Variants in PLEKHA3 observed in about 807,000 individuals in gnomAD.
The protein encoded by PLEKHA3 is pleckstrin homology domain-containing family A member 3.
PLEKHA3 carries 19 observed loss-of-function variants against 39.2 expected under a neutral mutation model. The observed-to-expected ratio is 0.48, with a 90% CI of 0.34 to 0.71. PLEKHA3 has a LOEUF of 0.71. PLEKHA3 is among the 30% of genes least tolerant of loss of function. The pLI, the probability that PLEKHA3 is intolerant of heterozygous loss-of-function variation, is 0.01. For missense variants in PLEKHA3, 253 were observed against 359.5 expected (o/e 0.70, Z 2.40); for synonymous variants, 97 against 118.6 (o/e 0.82, Z 1.18).
Position 178,480,928 on chromosome 2 carries a change from TGAGGGAA to T in PLEKHA3, c.40+25_40+31del, listed in dbSNP as rs745497285. The stretch of plus-strand genomic sequence containing the variant: ...CTCACAGGTATGGGGGCTCGTGTGA[TGAGGGAA>T]GAGGGGAGAGGCGGGGGGCTGCTGA... On this transcript the variant is annotated intron_variant, in intron 1 of 7. Transcript: ENST00000234453. 10 of 1,305,782 alleles carry T rather than the reference TGAGGGAA, an allele frequency of 7.7e-6. No homozygotes were observed. The highest frequency in any genetic ancestry group is 6.3e-5 in the South Asian group (2 of 31,706). 80.9% of individuals were successfully genotyped at this position (1,305,782 alleles called of 1,614,324 possible). A position where few individuals can be genotyped will look rare whatever the true frequency, so the allele number is the denominator to read the frequency against.
Position 178,508,068 on chromosome 2 carries a change from TG to T in PLEKHA3, c.*4182del, listed in dbSNP as rs1685632178. 6 of 153,078 alleles carry T rather than the reference TG, an allele frequency of 3.9e-5. No individual in the cohort carries two copies. The highest frequency in any genetic ancestry group is 5.9e-5 in the Non-Finnish European group (4 of 67,846). 9.5% of individuals were successfully genotyped at this position (153,078 alleles called of 1,614,324 possible). A position where few individuals can be genotyped will look rare whatever the true frequency, so the allele number is the denominator to read the frequency against. On this transcript the variant is annotated 3_prime_UTR_variant, in exon 8 of 8. Coordinates refer to ENST00000234453, the MANE Select transcript of PLEKHA3 (RefSeq NM_019091.4). ...AGTTCTGGGTGTGTGTGTGTGTGTG[TG>T]TGTGTGTGTGTGTGTGTGTGATCTT...
chr2:178,494,040 G>T, intron 4 of PLEKHA3, 51 bp downstream of exon 4: 2 of 1,564,094 alleles, frequency 1.3e-6, no homozygotes, highest in Non-Finnish European at 1.7e-6. Context: ...GAGTACTCTG[G>T]GGGGATCCTC....
In PLEKHA3 at chr2:178,491,506, G is replaced by C. The variant is rs537550736; in HGVS notation, c.313+692G>C. 4.6e-5 allele frequency among the ~76,000 whole-genome samples: 7 copies of C among 152,354 alleles called. No homozygotes were observed. The South Asian group carries it at 1.4e-3, about 32-fold the overall frequency. On this transcript the variant is annotated intron_variant, in intron 3 of 7. Transcript: ENST00000234453. ...ATTGTTACCTTTGGAAGTGGAATTT[G>C]TGGGAAGGAGACTCAGTTGTCACTG...
chr2:178,488,071 C>T (rs905978061), intron 2 of PLEKHA3, among the ~76,000 whole-genome samples: 4 of 151,010 alleles, frequency 2.6e-5, no homozygotes, highest in Non-Finnish European at 4.4e-5. Context: ...CTCAGGAGTT[C>T]GAGACCAGCC....
chr2:178,482,276 C>G (rs377606656), intron 1 of PLEKHA3, among the ~76,000 whole-genome samples: 1 of 152,088 alleles, frequency 6.6e-6, no homozygotes, highest in East Asian at 1.9e-4. Flanking sequence ...GTGCTTCATG[C>G]TTGTAATCCC....
intron 3 of PLEKHA3, among the ~76,000 whole-genome samples, chr2:178,492,203 A>G (rs958158830): frequency 1.3e-5 from 2 of 152,116 alleles, no homozygotes; most frequent in African/African-American, 4.8e-5. Context: ...AGTAAATTAT[A>G]GGTATTGAGA....
rs35052196 is a variant in PLEKHA3, at chr2:178,507,658, GTTTTTTTTTTTTTTTTTTTTTTTTT to G, written c.*3783_*3807del. The G allele has an allele frequency of 3.5e-5, 1 of 28,804 alleles. No individual in the cohort carries two copies. The highest frequency in any genetic ancestry group is 8.5e-5 in the Non-Finnish European group (1 of 11,750). 1.8% of individuals were successfully genotyped at this position (28,804 alleles called of 1,614,324 possible). On this transcript the variant is annotated 3_prime_UTR_variant, in exon 8 of 8. Transcript: ENST00000234453. Reference sequence around the variant, plus strand: ...CCTTTAGTTTTTAGTCTCACATTAGGTTTTTTTTTTTTTTTTTTTTTTTTTTTTTTTTTTTTGGCAAAGCTCCTCC... The same window carrying G: ...CCTTTAGTTTTTAGTCTCACATTAGGTTTTTTTTTTTGGCAAAGCTCCTCC...
At chr2:178,482,406 G>A (rs1190781066) in intron 1 of PLEKHA3, among the ~76,000 whole-genome samples, 1 of 151,990 alleles carries the variant, frequency 6.6e-6, no homozygotes, top group Non-Finnish European at 1.5e-5. Flanking sequence ...AGGTGTGGTA[G>A]TGCACACCTG....
At position 178,480,822 on chromosome 2, in the gene PLEKHA3, C is replaced by G. The variant is rs1685147540; in HGVS notation, c.-48C>G. 3 of 1,313,034 alleles carry G rather than the reference C, an allele frequency of 2.3e-6. No homozygotes were observed. Among genetic ancestry groups the G allele is most frequent in the South Asian group, 3.0e-5 (1 of 33,346 alleles). The allele number at this position is 1,313,034 out of a possible 1,614,324, so 81.3% of individuals were successfully genotyped here. ...CCAGGCCCTGCGCCTACCCCATCAC[C>G]GCGGCCGGCGCCGGGCCGGGAGGAT... On this transcript the variant is annotated 5_prime_UTR_variant, in exon 1 of 8. Transcript: ENST00000234453.
At chr2:178,488,519 A>G (rs573181831) in intron 2 of PLEKHA3, among the ~76,000 whole-genome samples, 33 of 152,316 alleles carry the variant, frequency 2.2e-4, no homozygotes, top group African/African-American at 6.3e-4. Flanking sequence ...GTGACCATGT[A>G]TATGTGAGTC....
chr2:178,500,183 G>T (rs1170631646), intron 6 of PLEKHA3, among the ~76,000 whole-genome samples: 4 of 152,022 alleles, frequency 2.6e-5, no homozygotes, highest in Non-Finnish European at 4.4e-5. Context: ...TTTAATTATA[G>T]TGACATTGGC....
At chr2:178,481,399 G>A (rs953547114) in intron 1 of PLEKHA3, among the ~76,000 whole-genome samples, 8 of 152,058 alleles carry the variant, frequency 5.3e-5, no homozygotes, top group African/African-American at 1.4e-4. Context: ...CAAGCTTAGC[G>A]AGCATGATTT....
chr2:178,505,707 T>A lies in PLEKHA3; in HGVS notation c.*1820T>A, dbSNP rs1685593664. On this transcript the variant is annotated 3_prime_UTR_variant, in exon 8 of 8. Transcript: ENST00000234453. Reference sequence around the variant, plus strand: ...AAAACACCGTAACAAGCTTTTGAACTTATAGAAAATAATCACATCCATTTT... The same window carrying A: ...AAAACACCGTAACAAGCTTTTGAACATATAGAAAATAATCACATCCATTTT... The A allele has an allele frequency of 6.6e-6, 1 of 151,980 alleles. No individual in the cohort carries two copies. The highest frequency in any genetic ancestry group is 1.5e-5 in the Non-Finnish European group (1 of 67,908). The allele number at this position is 151,980 out of a possible 1,614,324, so 9.4% of individuals were successfully genotyped here.
intron 2 of PLEKHA3, among the ~76,000 whole-genome samples, chr2:178,487,141 G>T (rs1685262926): frequency 1.3e-5 from 2 of 152,108 alleles, no homozygotes; most frequent in South Asian, 2.1e-4. Context: ...AAAGGTAAGT[G>T]GGGGGATTCT....
chr2:178,481,002 G>C, intron 1 of PLEKHA3, 93 bp downstream of exon 1: 1 of 1,172,082 alleles, frequency 8.5e-7, no homozygotes, highest in East Asian at 2.9e-5. Flanking sequence ...TGGCCTCCGC[G>C]GACCCTCAGA....
intron 5 of PLEKHA3, 126 bp downstream of exon 5, chr2:178,495,786 G>A (rs1035981319): frequency 3.8e-6 from 4 of 1,040,190 alleles, no homozygotes; most frequent in South Asian, 1.6e-5. Context: ...CTAACAAGTT[G>A]AATTTTTTTG....
chr2:178,488,147 C>G (rs1685282612), intron 2 of PLEKHA3, among the ~76,000 whole-genome samples: 1 of 151,862 alleles, frequency 6.6e-6, no homozygotes, highest in African/African-American at 2.4e-5. Flanking sequence ...ATGTTGTCTT[C>G]TTTTGAAGTC....
At position 178,516,033 on chromosome 2, in the gene PLEKHA3, AT is replaced by A. The variant is rs1209323005; in HGVS notation, c.*12147del. 1 of 151,492 alleles carries A rather than the reference AT, an allele frequency of 6.6e-6. No individual in the cohort carries two copies. The highest frequency in any genetic ancestry group is 1.9e-4 in the East Asian group (1 of 5,190). The allele number at this position is 151,492 out of a possible 1,614,324, so 9.4% of individuals were successfully genotyped here. On this transcript the variant is annotated 3_prime_UTR_variant, in exon 8 of 8. Transcript: ENST00000234453. ...TTTATTGTAGCTAGTTATAAGATGTATATATAGCTTATATATGTGTATATAC... is the reference window on the plus strand; with the variant it reads ...TTTATTGTAGCTAGTTATAAGATGTAATATAGCTTATATATGTGTATATAC...
At position 178,507,667 on chromosome 2, in the gene PLEKHA3, T is replaced by TTG. The variant is rs1685625153; in HGVS notation, c.*3781_*3782insGT. 4 of 82,224 alleles carry TTG rather than the reference T, an allele frequency of 4.9e-5. No individual in the cohort carries two copies. Among genetic ancestry groups the TTG allele is most frequent in the Non-Finnish European group, 8.8e-5 (4 of 45,500 alleles). The allele number at this position is 82,224 out of a possible 1,614,324, so 5.1% of individuals were successfully genotyped here. On this transcript the variant is annotated 3_prime_UTR_variant, in exon 8 of 8. Transcript: ENST00000234453. ...TTTAGTCTCACATTAGGTTTTTTTTTTTTTTTTTTTTTTTTTTTTTTTTTT... is the reference window on the plus strand; with the variant it reads ...TTTAGTCTCACATTAGGTTTTTTTTTTGTTTTTTTTTTTTTTTTTTTTTTTTT...
Sources: gnomAD v4.1 joint callset for allele counts (sites outside exome capture counted in the v4.1 genomes callset) on GRCh38, gnomAD v4.1.1 for gene constraint, MANE v1.5 for transcripts, NCBI Gene and HGNC (gene_info 2026-07-23, HGNC 2026-07-21) for gene names.